Variants in PDSS2 observed in about 807,000 individuals in gnomAD.
PDSS2 encodes the protein all trans-polyprenyl-diphosphate synthase PDSS2.
In PDSS2, 31 loss-of-function variants were observed where a neutral mutation model predicts 44.5. The ratio of observed to expected loss-of-function variants is 0.70; its 90% CI spans 0.52 to 0.94. The LOEUF is 0.94. Ranked by LOEUF, PDSS2 falls within the 40% of genes least tolerant of loss-of-function variation. The pLI is 0.00. For synonymous variants in PDSS2, 157 were observed against 180.3 expected (o/e 0.87, Z 1.03); for missense variants, 452 against 482.2 (o/e 0.94, Z 0.59).
At chr6:107,348,818 A>G (rs117055610) in intron 1 of PDSS2, among the ~76,000 whole-genome samples, 40 of 152,330 alleles carry the variant, frequency 2.6e-4, no homozygotes, top group Non-Finnish European at 3.8e-4. Flanking sequence ...ATGACATAAT[A>G]GCGAATATCT....
intron 4 of PDSS2, among the ~76,000 whole-genome samples, chr6:107,213,310 TAA>T (rs977343767): frequency 5.5e-5 from 5 of 90,814 alleles, no homozygotes; most frequent in African/African-American, 2.6e-4. Flanking sequence ...CACACCCAGA[TAA>T]TTTTTTTTTT....
chr6:107,203,022 A>G (rs576849720), intron 6 of PDSS2, among the ~76,000 whole-genome samples: 25 of 151,420 alleles, frequency 1.7e-4, no homozygotes, highest in African/African-American at 5.8e-4. Flanking sequence ...GAAACATGAA[A>G]TTTTAAATTG....
At chr6:107,348,987 A>AGAAT (rs1342066779) in intron 1 of PDSS2, among the ~76,000 whole-genome samples, 1 of 152,238 alleles carries the variant, frequency 6.6e-6, no homozygotes, top group African/African-American at 2.4e-5. Context: ...TTAGGATTCT[A>AGAAT]GAACCTTCAG....
intron 1 of PDSS2, among the ~76,000 whole-genome samples, chr6:107,433,936 C>T (rs775675918): frequency 2.6e-4 from 39 of 151,986 alleles, no homozygotes; most frequent in Non-Finnish European, 5.1e-4. Context: ...GAAAAATAAT[C>T]GAATAATTTG....
At chr6:107,348,276 A>T (rs1778318296) in intron 1 of PDSS2, among the ~76,000 whole-genome samples, 1 of 152,232 alleles carries the variant, frequency 6.6e-6, no homozygotes, top group South Asian at 2.1e-4. Flanking sequence ...TCCATCTTAT[A>T]GGTGAGGCTT....
chr6:107,194,854 G>A (rs1238247363), intron 6 of PDSS2, among the ~76,000 whole-genome samples: 1 of 152,124 alleles, frequency 6.6e-6, no homozygotes, highest in African/African-American at 2.4e-5. Flanking sequence ...AGAAGGCTGA[G>A]GAGACAAGAA....
At chr6:107,346,102 A>C (rs1324785211) in intron 1 of PDSS2, among the ~76,000 whole-genome samples, 1 of 152,352 alleles carries the variant, frequency 6.6e-6, no homozygotes, top group Admixed American at 6.5e-5. Flanking sequence ...AGAAAAATAT[A>C]ATTTGATTTT....
intron 7 of PDSS2, among the ~76,000 whole-genome samples, chr6:107,179,352 C>G (rs1421934330): frequency 6.6e-6 from 1 of 151,892 alleles, no homozygotes; most frequent in Non-Finnish European, 1.5e-5. Context: ...GTGATCTCAG[C>G]TCACTGCTGC....
intron 3 of PDSS2, among the ~76,000 whole-genome samples, chr6:107,247,603 G>A (rs1260493982): frequency 6.6e-6 from 1 of 152,162 alleles, no homozygotes; most frequent in Non-Finnish European, 1.5e-5. Context: ...AAAAGCAAGA[G>A]TAGCCTAAGA....
At chr6:107,297,650 G>C (rs921145673) in intron 2 of PDSS2, among the ~76,000 whole-genome samples, 3 of 151,646 alleles carry the variant, frequency 2.0e-5, no homozygotes, top group Admixed American at 1.3e-4. Flanking sequence ...AAAGTGTTGG[G>C]ATTACAGGCA....
rs763590850 is a variant in PDSS2 at position 107,212,264 on chromosome 6, C to A, written c.721G>T (p.Asp241Tyr). Residue 241 changes from aspartate (D) to tyrosine (Y), a missense_variant, in exon 5 of 8, where the codon GAT (aspartate) becomes TAT (tyrosine). By Grantham distance (160) the Asp-to-Tyr change is radical. Coordinates refer to ENST00000369037, the MANE Select transcript of PDSS2 (RefSeq NM_020381.4). ...STSKESYITD[D>Y]IGISTWKEQT... ...TCCTTCCAAGTCGATATTCCAATAT[C>A]ATCTGTGATATAACTTTCCTAAAAA... 3 of 1,613,102 alleles carry A rather than the reference C, an allele frequency of 1.9e-6. No individual in the cohort carries two copies. The highest frequency in any genetic ancestry group is 3.3e-5 in the Admixed American group (2 of 59,986).
At chr6:107,361,309 C>T (rs1778765235) in intron 1 of PDSS2, among the ~76,000 whole-genome samples, 1 of 152,110 alleles carries the variant, frequency 6.6e-6, no homozygotes, top group Non-Finnish European at 1.5e-5. Context: ...AATCAGCACC[C>T]TGCATTTTAA....
chr6:107,261,907 C>CTTTT (rs58274022), intron 3 of PDSS2, among the ~76,000 whole-genome samples: 2 of 117,098 alleles, frequency 1.7e-5, no homozygotes, highest in Non-Finnish European at 3.3e-5. Context: ...TCTTTCTTTT[C>CTTTT]TTTTTTTTTT....
intron 2 of PDSS2, among the ~76,000 whole-genome samples, chr6:107,311,490 G>A (rs973324770): frequency 1.3e-5 from 2 of 152,064 alleles, no homozygotes; most frequent in African/African-American, 4.8e-5. Flanking sequence ...TTATAGGCAT[G>A]AGCCATGACA....
rs1554244899 is a variant in PDSS2 at position 107,153,571 on chromosome 6, A to G, written c.*1048T>C. The G allele has an allele frequency of 6.6e-6, 1 of 152,606 alleles. No homozygotes were observed. The highest frequency in any genetic ancestry group is 2.4e-5 in the African/African-American group (1 of 41,446). 9.5% of individuals were successfully genotyped at this position (152,606 alleles called of 1,614,324 possible). The stretch of plus-strand genomic sequence containing the variant: ...TTGAAAAAAAGCTCCTTTTTCCTTA[A>G]AGAAAAAAAAAATTTGGTTCTTTGA... On this transcript the variant is annotated 3_prime_UTR_variant, in exon 8 of 8. Coordinates refer to ENST00000369037, the MANE Select transcript of PDSS2 (RefSeq NM_020381.4).
rs1488985199 is a variant in PDSS2, at chr6:107,196,122, T to G, written c.1009-2268A>C. 2.6e-5 allele frequency among the ~76,000 whole-genome samples: 4 copies of G among 152,230 alleles called. No homozygotes were observed. In the South Asian group the frequency reaches 6.2e-4, roughly 24 times the overall value. ...ACCAACAGGAATATGAGTGAGTTCT[T>G]AAAGAAATTTCAAAACCAAGCTGTT... On this transcript the variant is annotated intron_variant, in intron 6 of 7. Coordinates refer to ENST00000369037, the MANE Select transcript of PDSS2 (RefSeq NM_020381.4).
chr6:107,410,350 T>C (rs191763804), intron 1 of PDSS2, among the ~76,000 whole-genome samples: 2 of 152,328 alleles, frequency 1.3e-5, no homozygotes, highest in East Asian at 3.9e-4. Context: ...TAGTCTTACA[T>C]AGTACGCTTA....
chr6:107,161,466 C>T (rs1470764855), intron 7 of PDSS2, among the ~76,000 whole-genome samples: 6 of 139,886 alleles, frequency 4.3e-5, no homozygotes, highest in African/African-American at 8.0e-5. Context: ...GGTGACAGAG[C>T]GAGACTCCGT....
intron 7 of PDSS2, among the ~76,000 whole-genome samples, chr6:107,163,069 T>C (rs1263019364): frequency 1.3e-5 from 2 of 152,372 alleles, no homozygotes; most frequent in South Asian, 2.1e-4. Flanking sequence ...TTTTCTGCTA[T>C]GACATTGTCA....
Sources: allele counts gnomAD v4.1 joint callset (sites outside exome capture counted in the v4.1 genomes callset), GRCh38; gene constraint gnomAD v4.1.1; transcripts MANE v1.5; gene names NCBI Gene and HGNC (gene_info 2026-07-23, HGNC 2026-07-21).